RPS6KA2: variants seen among roughly 807,000 people sequenced by gnomAD.
RPS6KA2 encodes ribosomal protein S6 kinase alpha-2.
In RPS6KA2, 42 loss-of-function variants were observed where a neutral mutation model predicts 91.8. The ratio of observed to expected loss-of-function variants is 0.46; its 90% confidence interval spans 0.36 to 0.59. RPS6KA2 has a LOEUF of 0.59. RPS6KA2 is among the 20% of genes least tolerant of loss of function. The pLI is 0.00. For synonymous variants in RPS6KA2, 414 were observed against 393.6 expected (o/e 1.05, Z -0.61); for missense variants, 798 against 978.5 (o/e 0.82, Z 2.46).
chr6:166,573,775 G>C (rs1305521407), intron 1 of RPS6KA2, among the ~76,000 whole-genome samples: 1 of 152,182 alleles, frequency 6.6e-6, no homozygotes, highest in Non-Finnish European at 1.5e-5. Flanking sequence ...AAACAGTCTG[G>C]GAACTTCCCA....
intron 2 of RPS6KA2, among the ~76,000 whole-genome samples, chr6:166,728,814 C>T (rs141027742): frequency 2.6e-5 from 4 of 152,250 alleles, no homozygotes; most frequent in African/African-American, 9.6e-5. Flanking sequence ...GGGTCGGGCA[C>T]CCGCCAGGCA....
chr6:166,446,703 T>C (rs1225389799), intron 14 of RPS6KA2, among the ~76,000 whole-genome samples: 1 of 152,206 alleles, frequency 6.6e-6, no homozygotes, highest in Non-Finnish European at 1.5e-5. Flanking sequence ...CTGGGGGATT[T>C]ACTTGCAGAG....
chr6:166,596,348 A>G (rs889867597), intron 1 of RPS6KA2, among the ~76,000 whole-genome samples: 1 of 152,144 alleles, frequency 6.6e-6, no homozygotes, highest in African/African-American at 2.4e-5. Context: ...TTAACATTCA[A>G]CTCGGTGAAC....
intron 10 of RPS6KA2, among the ~76,000 whole-genome samples, chr6:166,480,475 GATTTTATATATATATATATATAT>G (rs1176118467): frequency 8.2e-5 from 5 of 60,982 alleles, no homozygotes; most frequent in Admixed American, 4.7e-4. Flanking sequence ...TTAAGATTGT[GATTTTATATATATATATATATAT>G]ATATATATAT....
chr6:166,513,363 G>A (rs1035043215), intron 3 of RPS6KA2, among the ~76,000 whole-genome samples: 1 of 152,194 alleles, frequency 6.6e-6, no homozygotes, highest in Non-Finnish European at 1.5e-5. Context: ...GGGTGCGGGA[G>A]CGACTGCTTA....
In RPS6KA2 at chr6:166,612,733, G is replaced by A. The variant is rs1786231449; in HGVS notation, c.99+14188C>T. On this transcript the variant is annotated intron_variant, in intron 1 of 20. Transcript: ENST00000265678. The surrounding 1 kb of genome is among the most constrained non-coding windows in gnomAD (Gnocchi z 4.3). ...GAAGGTAACAGGACTGTGCAGTTGGGAAGCTCATCTCCTCTTACATTTGGA... is the reference window on the plus strand; with the variant it reads ...GAAGGTAACAGGACTGTGCAGTTGGAAAGCTCATCTCCTCTTACATTTGGA... Among the ~76,000 whole-genome samples, 1 of 152,154 alleles carries A rather than the reference G, an allele frequency of 6.6e-6. No homozygotes were observed. Among genetic ancestry groups the A allele is most frequent in the Admixed American group, 6.6e-5 (1 of 15,260 alleles).
At chr6:166,605,035 G>T (rs181364968) in intron 1 of RPS6KA2, among the ~76,000 whole-genome samples, 1 of 152,012 alleles carries the variant, frequency 6.6e-6, no homozygotes, top group Non-Finnish European at 1.5e-5. Context: ...AGGCCCTCCC[G>T]TTCCAGGGCT....
At chr6:166,765,020 C>T (rs375622800) in intron 2 of RPS6KA2, among the ~76,000 whole-genome samples, 4 of 152,202 alleles carry the variant, frequency 2.6e-5, no homozygotes, top group South Asian at 2.1e-4. Flanking sequence ...GGGGTGACCC[C>T]GCCTGGGTCT....
chr6:166,762,197 C>G (rs1467382498), intron 2 of RPS6KA2, among the ~76,000 whole-genome samples: 1 of 152,190 alleles, frequency 6.6e-6, no homozygotes, highest in Non-Finnish European at 1.5e-5. Flanking sequence ...GGCACTAGGA[C>G]AGTGGTGTCC....
At chr6:166,499,416 T>C (rs973057377) in intron 7 of RPS6KA2, among the ~76,000 whole-genome samples, 12 of 152,210 alleles carry the variant, frequency 7.9e-5, no homozygotes, top group Non-Finnish European at 1.5e-4. Context: ...GGGACTGATA[T>C]GGTTTAGCTG....
Position 166,563,195 on chromosome 6 carries a change from G to T in RPS6KA2, c.100-24411C>A, listed in dbSNP as rs1040043056. On this transcript the variant is annotated intron_variant, in intron 1 of 20. Transcript: ENST00000265678. This position sits in a 1 kb window ranked among gnomAD's most constrained non-coding sequence, Gnocchi z 4.1. ...CAAGGGGTCCTGGTGGCTTTTCCGGGGTAGTGGAGACACCGCCACGTCTGT... is the reference window on the plus strand; with the variant it reads ...CAAGGGGTCCTGGTGGCTTTTCCGGTGTAGTGGAGACACCGCCACGTCTGT... Among the ~76,000 whole-genome samples, 1 of 152,262 alleles carries T rather than the reference G, an allele frequency of 6.6e-6. No homozygotes were observed. Among genetic ancestry groups the T allele is most frequent in the East Asian group, 1.9e-4 (1 of 5,174 alleles).
intron 6 of RPS6KA2, among the ~76,000 whole-genome samples, chr6:166,501,690 C>T (rs1214329562): frequency 6.6e-6 from 1 of 152,172 alleles, no homozygotes; most frequent in African/African-American, 2.4e-5. Flanking sequence ...GAACATCAGG[C>T]GGGAGTCTGG....
At chr6:166,521,315 G>T (rs1387475322) in intron 3 of RPS6KA2, among the ~76,000 whole-genome samples, 1 of 152,364 alleles carries the variant, frequency 6.6e-6, no homozygotes, top group South Asian at 2.1e-4. Context: ...CAGGGACTTG[G>T]AGAGCCAACC....
chr6:166,472,092 A>T (rs1256110579), intron 10 of RPS6KA2, among the ~76,000 whole-genome samples: 5 of 152,194 alleles, frequency 3.3e-5, no homozygotes, highest in African/African-American at 1.2e-4. Context: ...TGATTAACAG[A>T]AAGACCCTCC....
intron 2 of RPS6KA2, among the ~76,000 whole-genome samples, chr6:166,697,752 G>C (rs1331939727): frequency 1.3e-5 from 2 of 152,050 alleles, no homozygotes; most frequent in South Asian, 2.1e-4. Flanking sequence ...TTTGCTACAG[G>C]GTTTGTTTGG....
intron 2 of RPS6KA2, among the ~76,000 whole-genome samples, chr6:166,772,893 T>C (rs956877986): frequency 1.3e-5 from 2 of 152,302 alleles, no homozygotes; most frequent in East Asian, 3.9e-4. Context: ...ATTAAGAATG[T>C]TGTTAACTCC....
chr6:166,767,813 A>C lies in RPS6KA2; in HGVS notation c.123+90387T>G, dbSNP rs1778360937. Among the ~76,000 whole-genome samples the C allele has an allele frequency of 7.5e-6, 1 of 132,772 alleles. No homozygotes were observed. Among genetic ancestry groups the C allele is most frequent in the South Asian group, 2.4e-4 (1 of 4,188 alleles). The allele number at this position is 132,772 out of a possible 152,430, so 87.1% of individuals were successfully genotyped here. A position where few individuals can be genotyped will look rare whatever the true frequency, so the allele number is the denominator to read the frequency against. The stretch of plus-strand genomic sequence containing the variant: ...CACACACACACACACACACACACAC[A>C]CACCCTGGTGTCAGGCAGCCGGCCA... On this transcript the variant is annotated intron_variant, in intron 2 of 21. Transcript: ENST00000503859. This position sits in a 1 kb window ranked among gnomAD's most constrained non-coding sequence, Gnocchi z 4.6.
intron 11 of RPS6KA2, among the ~76,000 whole-genome samples, chr6:166,468,856 TAAAAAA>T (rs1554277712): frequency 8.9e-6 from 1 of 112,184 alleles, no homozygotes; most frequent in Non-Finnish European, 1.8e-5. Flanking sequence ...AGAGCGAGAC[TAAAAAA>T]AAAAAAAAAA....
chr6:166,677,328 T>C (rs1479912889), intron 2 of RPS6KA2, among the ~76,000 whole-genome samples: 1 of 152,048 alleles, frequency 6.6e-6, no homozygotes, highest in Admixed American at 6.6e-5. Context: ...TACCTTCTAC[T>C]GTGTAGTTAA....
Sources: gnomAD v4.1 joint callset for allele counts (sites outside exome capture counted in the v4.1 genomes callset) on GRCh38, gnomAD v4.1.1 for gene constraint, Gnocchi (gnomAD v3.1) non-coding constraint, MANE v1.5 for transcripts, NCBI Gene and HGNC (gene_info 2026-07-23, HGNC 2026-07-21) for gene names.